SLC9A9: variants seen among roughly 807,000 people sequenced by gnomAD.
SLC9A9 encodes the protein solute carrier family 9 member A9.
SLC9A9 carries 62 observed loss-of-function variants against 77.8 expected under a neutral mutation model. The ratio of observed to expected loss-of-function variants is 0.80; its 90% CI spans 0.65 to 0.98. SLC9A9 has a LOEUF of 0.98. SLC9A9 is among the 50% of genes least tolerant of loss of function. The probability of loss-of-function intolerance (pLI) is 0.00; values close to 1 mark genes in which losing one functional copy is unlikely to be tolerated. For synonymous variants in SLC9A9, 320 were observed against 283.5 expected (o/e 1.13, Z -1.29); for missense variants, 775 against 774.9 (o/e 1.00, Z 0.00).
chr3:143,564,577 C>A (rs1184756529), intron 8 of SLC9A9, among the ~76,000 whole-genome samples: 1 of 152,042 alleles, frequency 6.6e-6, no homozygotes, highest in Non-Finnish European at 1.5e-5. Flanking sequence ...TGAAAGTGAA[C>A]CTGGAACTGA....
intron 2 of SLC9A9, among the ~76,000 whole-genome samples, chr3:143,825,299 G>A (rs961554230): frequency 4.0e-5 from 6 of 151,766 alleles, no homozygotes; most frequent in Non-Finnish European, 8.8e-5. Flanking sequence ...CCTTATTGAA[G>A]CTCAAGTAAA....
chr3:143,615,182 G>A (rs988567541), intron 6 of SLC9A9, among the ~76,000 whole-genome samples: 2 of 152,108 alleles, frequency 1.3e-5, no homozygotes, highest in African/African-American at 4.8e-5. Context: ...AATCCCAAGT[G>A]CACTGGCCAC....
At chr3:143,273,950 T>G (rs994284107) in intron 14 of SLC9A9, among the ~76,000 whole-genome samples, 1 of 152,214 alleles carries the variant, frequency 6.6e-6, no homozygotes, top group Non-Finnish European at 1.5e-5. Flanking sequence ...ATTTTTAGGG[T>G]GAGGACAGGT....
At chr3:143,826,711 C>T (rs1384459206) in intron 2 of SLC9A9, among the ~76,000 whole-genome samples, 1 of 152,106 alleles carries the variant, frequency 6.6e-6, no homozygotes, top group Non-Finnish European at 1.5e-5. Flanking sequence ...TTTTTCTTTC[C>T]TGGAATATTG....
chr3:143,842,105 G>A (rs1413684127), intron 1 of SLC9A9, among the ~76,000 whole-genome samples: 2 of 152,004 alleles, frequency 1.3e-5, no homozygotes, highest in East Asian at 3.9e-4. Flanking sequence ...TGCAGGCCGG[G>A]CGCGGTGGCT....
intron 14 of SLC9A9, among the ~76,000 whole-genome samples, chr3:143,328,339 A>T (rs747197173): frequency 2.0e-5 from 3 of 152,248 alleles, no homozygotes; most frequent in Non-Finnish European, 4.4e-5. Context: ...ATTAATTTTT[A>T]AAAATATGAA....
chr3:143,691,121 T>A (rs1933448498), intron 5 of SLC9A9, among the ~76,000 whole-genome samples: 1 of 152,154 alleles, frequency 6.6e-6, no homozygotes, highest in Non-Finnish European at 1.5e-5. Context: ...TTATAACAAG[T>A]CACTATGTGG....
chr3:143,475,573 A>G (rs371824435), intron 11 of SLC9A9, among the ~76,000 whole-genome samples: 1 of 152,010 alleles, frequency 6.6e-6, no homozygotes, highest in East Asian at 2.0e-4. Context: ...CGGGTGGATC[A>G]CGAGGTCAGG....
chr3:143,734,698 C>G (rs1412944018), intron 4 of SLC9A9, among the ~76,000 whole-genome samples: 4 of 146,210 alleles, frequency 2.7e-5, no homozygotes, highest in African/African-American at 1.0e-4. Context: ...CCCGCCACTG[C>G]ACTCCAGCCT....
At chr3:143,622,816 C>G (rs1305351950) in intron 6 of SLC9A9, among the ~76,000 whole-genome samples, 1 of 152,024 alleles carries the variant, frequency 6.6e-6, no homozygotes, top group Non-Finnish European at 1.5e-5. Context: ...AAGACACAGA[C>G]TGGCAAATTT....
chr3:143,675,886 C>G (rs1023243174), intron 5 of SLC9A9, among the ~76,000 whole-genome samples: 1 of 151,930 alleles, frequency 6.6e-6, no homozygotes, highest in African/African-American at 2.4e-5. Context: ...TTTTTTCCAC[C>G]TCTTCCTCTC....
At chr3:143,543,149 A>T (rs1030043280) in intron 9 of SLC9A9, among the ~76,000 whole-genome samples, 3 of 152,242 alleles carry the variant, frequency 2.0e-5, no homozygotes, top group African/African-American at 7.2e-5. Flanking sequence ...CTATGCCTAA[A>T]AGGCTTAACC....
chr3:143,717,253 A>G (rs1934379662), intron 4 of SLC9A9, among the ~76,000 whole-genome samples: 1 of 152,182 alleles, frequency 6.6e-6, no homozygotes, highest in African/African-American at 2.4e-5. Context: ...TATGAATTCT[A>G]ATACAGTCCC....
In SLC9A9 at chr3:143,266,301, CTTTCT is replaced by C. The variant is rs1376814737; in HGVS notation, c.*396_*400del. ...GGAGCAAAATGTTTACTCTCAGAAG[CTTTCT>C]TTTATTTTTAAACTCTCCTTAATGG... On this transcript the variant is annotated 3_prime_UTR_variant, in exon 16 of 16. Coordinates refer to ENST00000316549, the MANE Select transcript of SLC9A9 (RefSeq NM_173653.4). 1.2e-4 allele frequency: 70 copies of C among 582,634 alleles called. No homozygotes were observed. Among genetic ancestry groups the C allele is most frequent in the Non-Finnish European group, 1.9e-4 (63 of 328,654 alleles). The allele number at this position is 582,634 out of a possible 1,614,324, so 36.1% of individuals were successfully genotyped here.
At chr3:143,811,874 A>G (rs901611935) in intron 2 of SLC9A9, 8 of 332,974 alleles carry the variant, frequency 2.4e-5, no homozygotes, top group South Asian at 1.6e-4. Flanking sequence ...AAGAAAAAAA[A>G]AAAAGAAAAA....
At chr3:143,736,339 C>T (rs1055808618) in intron 4 of SLC9A9, among the ~76,000 whole-genome samples, 1 of 152,144 alleles carries the variant, frequency 6.6e-6, no homozygotes, top group Non-Finnish European at 1.5e-5. Context: ...GAACCATGTC[C>T]TCTTTGCCTT....
intron 12 of SLC9A9, among the ~76,000 whole-genome samples, chr3:143,398,582 G>A (rs2033781853): frequency 6.6e-6 from 1 of 151,802 alleles, no homozygotes. Flanking sequence ...AAAGCAAAAA[G>A]AGATTTATAA....
At chr3:143,485,482 C>A (rs1415816175) in intron 11 of SLC9A9, among the ~76,000 whole-genome samples, 2 of 152,024 alleles carry the variant, frequency 1.3e-5, no homozygotes, top group Admixed American at 1.3e-4. Flanking sequence ...ACTTTGCAAG[C>A]CCAAGGAAAG....
intron 11 of SLC9A9, among the ~76,000 whole-genome samples, chr3:143,474,713 T>G (rs2035439656): frequency 6.6e-6 from 1 of 151,518 alleles, no homozygotes; most frequent in African/African-American, 2.4e-5. Context: ...GAGTGTGGAG[T>G]TCAGGGGAAA....
Sources: allele counts gnomAD v4.1 joint callset (sites outside exome capture counted in the v4.1 genomes callset), GRCh38; gene constraint gnomAD v4.1.1; transcripts MANE v1.5; gene names NCBI Gene and HGNC (gene_info 2026-07-23, HGNC 2026-07-21).